The following DMD variants were observed in gnomAD, a reference collection of about 807,000 sequenced individuals.
The protein encoded by DMD is dystrophin, also known as mutant dystrophin.
A neutral mutation model predicts 330.1 loss-of-function variants in DMD; 63 were observed. The observed-to-expected ratio is 0.19, with a 90% CI of 0.16 to 0.24. The LOEUF is 0.24. DMD is among the 10% of genes least tolerant of loss of function. The pLI, the probability that DMD is intolerant of heterozygous loss-of-function variation, is 1.00. For synonymous variants in DMD, 1,223 were observed against 959.8 expected (o/e 1.27, Z -5.07); for missense variants, 3,344 against 2,684.1 (o/e 1.25, Z -5.43).
At chrX:31,134,282 T>A in intron 76 of DMD, 88 bp from the exon 77 acceptor site, 1 of 722,617 alleles carries the variant, frequency 1.4e-6, no homozygotes, top group Non-Finnish European at 2.1e-6. Flanking sequence ...AACACCATTA[T>A]AAATTCATTT....
chrX:33,225,616 T>C (rs2052271324), intron 1 of DMD, among the ~76,000 whole-genome samples: 1 of 111,363 alleles, frequency 9.0e-6, no homozygotes, highest in South Asian at 3.7e-4. Context: ...AATAAATATT[T>C]TACAAAAACA....
chrX:32,844,636 C>A lies in DMD; in HGVS notation c.264+147G>T. The A allele has an allele frequency of 7.7e-6, 4 of 521,337 alleles. No homozygotes were observed. In the South Asian group the frequency reaches 1.0e-4, roughly 13 times the overall value. The allele number at this position is 521,337 out of a possible 1,213,427, so 43.0% of individuals were successfully genotyped here. ...TATATTAGCCACAATCAGGCATACA[C>A]GAATTACAACATGTGCTCTCAGTAA... On this transcript the variant is annotated intron_variant, in intron 4 of 78. Coordinates refer to ENST00000357033, the MANE Select transcript of DMD (RefSeq NM_004006.3).
chrX:31,296,891 C>T (rs747377841), intron 62 of DMD, among the ~76,000 whole-genome samples: 6 of 111,814 alleles, frequency 5.4e-5, no homozygotes. Flanking sequence ...GAACAATAGA[C>T]ATCAAGTAAG....
chrX:32,574,899 ATT>A (rs57772309), intron 13 of DMD, among the ~76,000 whole-genome samples: 3,254 of 98,334 alleles, frequency 0.033, 133 homozygotes, highest in African/African-American at 0.11. Flanking sequence ...TAATCCACCT[ATT>A]TTTTTTTTTT....
chrX:32,590,623 G>A (rs973562024), intron 13 of DMD, among the ~76,000 whole-genome samples: 1 of 111,766 alleles, frequency 8.9e-6, no homozygotes, highest in African/African-American at 3.3e-5. Context: ...GCCCTGCGGG[G>A]CAGTTGGCTT....
intron 44 of DMD, chrX:32,035,493 T>A: frequency 3.7e-6 from 1 of 271,438 alleles, no homozygotes; most frequent in Non-Finnish European, 6.9e-6. Flanking sequence ...GTGATATGAC[T>A]GATCCAGTTC....
chrX:31,184,448 A>C (rs939068269), intron 67 of DMD, among the ~76,000 whole-genome samples: 35 of 99,813 alleles, frequency 3.5e-4, no homozygotes, highest in South Asian at 1.0e-3. Flanking sequence ...GGCAATCATT[A>C]AAAAGTCAGG....
chrX:32,629,634 AG>A (rs1185500240), intron 11 of DMD, among the ~76,000 whole-genome samples: 1 of 110,654 alleles, frequency 9.0e-6, no homozygotes, highest in Non-Finnish European at 1.9e-5. Flanking sequence ...TATTAATGAA[AG>A]TAATTTTCTC....
At chrX:31,396,152 T>TG (rs1569537679) in intron 60 of DMD, among the ~76,000 whole-genome samples, 1 of 108,241 alleles carries the variant, frequency 9.2e-6, no homozygotes, top group African/African-American at 3.4e-5. Context: ...TTTTTTTTTT[T>TG]TTTGAGACGG....
chrX:32,844,406 CAAAAAA>C (rs113585554), intron 4 of DMD, among the ~76,000 whole-genome samples: 95 of 74,025 alleles, frequency 1.3e-3, no homozygotes, highest in African/African-American at 4.0e-3. Context: ...GACTCCATCT[CAAAAAA>C]AAAAAAAAAG....
intron 47 of DMD, among the ~76,000 whole-genome samples, chrX:31,927,221 A>ATGCAAT (rs774230738): frequency 1.6e-4 from 18 of 112,079 alleles, no homozygotes; most frequent in Non-Finnish European, 2.3e-4. Flanking sequence ...TAAAATTATA[A>ATGCAAT]TTTTGGCATA....
intron 15 of DMD, among the ~76,000 whole-genome samples, chrX:32,571,429 G>C (rs939010749): frequency 9.0e-6 from 1 of 111,330 alleles, no homozygotes; most frequent in African/African-American, 3.3e-5. Context: ...TCACTTTTGT[G>C]ATACCACTTT....
chrX:32,329,550 C>G (rs898942382), intron 41 of DMD, among the ~76,000 whole-genome samples: 1 of 112,074 alleles, frequency 8.9e-6, no homozygotes, highest in African/African-American at 3.2e-5. Context: ...ATATGAAATA[C>G]TCGAGTGTAT....
intron 7 of DMD, among the ~76,000 whole-genome samples, chrX:32,761,129 T>C (rs188547307): frequency 1.8e-3 from 205 of 112,132 alleles, no homozygotes; most frequent in African/African-American, 6.1e-3. Flanking sequence ...GTGTCATTTG[T>C]TCCTGTGACT....
chrX:32,860,733 C>T (rs993096748), intron 2 of DMD, among the ~76,000 whole-genome samples: 11 of 110,792 alleles, frequency 9.9e-5, no homozygotes, highest in Non-Finnish European at 1.7e-4. Flanking sequence ...TTACCAGCAT[C>T]GAGATTTAAG....
chrX:31,223,466 T>G (rs1436403573), intron 63 of DMD, among the ~76,000 whole-genome samples: 1 of 112,565 alleles, frequency 8.9e-6, no homozygotes, highest in Non-Finnish European at 1.9e-5. Flanking sequence ...GAATCTTTTC[T>G]GCACAAGATT....
chrX:31,931,915 G>A (rs1332021749), intron 46 of DMD, among the ~76,000 whole-genome samples, 165 bp downstream of exon 46: 1 of 110,895 alleles, frequency 9.0e-6, no homozygotes, highest in African/African-American at 3.3e-5. Context: ...TATGTGCACT[G>A]GTTCAGAACT....
chrX:31,369,307 T>C, intron 60 of DMD, among the ~76,000 whole-genome samples: 1 of 111,772 alleles, frequency 8.9e-6, no homozygotes, highest in East Asian at 2.8e-4. Context: ...TTTAGGAGGA[T>C]TACTATAGGC....
In DMD at chrX:33,006,670, T is replaced by G. The variant is rs138003892; in HGVS notation, c.93+13469A>C. 7.3e-3 allele frequency among the ~76,000 whole-genome samples: 810 copies of G among 111,639 alleles called. 13 individuals carry two copies. In the East Asian group the frequency reaches 0.092, roughly 13 times the overall value. On this transcript the variant is annotated intron_variant, in intron 2 of 78. Coordinates refer to ENST00000357033, the MANE Select transcript of DMD (RefSeq NM_004006.3). The stretch of plus-strand genomic sequence containing the variant: ...ACACTCATACAATGCTAGAGGCACT[T>G]GTATCATCTCTCATTGTTCCTTATT...
Sources: gnomAD v4.1 joint callset for allele counts (sites outside exome capture counted in the v4.1 genomes callset) on GRCh38, gnomAD v4.1.1 for gene constraint, MANE v1.5 for transcripts, NCBI Gene and HGNC (gene_info 2026-07-23, HGNC 2026-07-21) for gene names.